Variants in RORA observed in about 807,000 individuals in gnomAD.
The protein encoded by RORA is RAR related orphan receptor A, also known as nuclear receptor ROR-alpha.
RORA carries 7 observed loss-of-function variants against 69.5 expected under a neutral mutation model. That is an observed-to-expected ratio of 0.10 (90% confidence interval 0.06 to 0.19). The LOEUF is 0.19. Ranked by LOEUF, RORA falls within the 10% of genes least tolerant of loss-of-function variation. The pLI, the probability that RORA is intolerant of heterozygous loss-of-function variation, is 1.00. For synonymous variants in RORA, 261 were observed against 240.8 expected (o/e 1.08, Z -0.78); for missense variants, 457 against 663.0 (o/e 0.69, Z 3.41).
chr15:61,202,132 C>G (rs2079900680), intron 1 of RORA, among the ~76,000 whole-genome samples: 1 of 151,900 alleles, frequency 6.6e-6, no homozygotes, highest in African/African-American at 2.4e-5. Context: ...CTTAGCCTCC[C>G]AAGTTGCTGG....
intron 2 of RORA, among the ~76,000 whole-genome samples, chr15:60,544,586 C>CA (rs1239715443): frequency 1.3e-5 from 2 of 152,106 alleles, no homozygotes; most frequent in African/African-American, 4.8e-5. Flanking sequence ...GACAAGGCAA[C>CA]ACCATGCTAA....
At chr15:61,227,104 C>T (rs2080152163) in intron 1 of RORA, among the ~76,000 whole-genome samples, 1 of 151,444 alleles carries the variant, frequency 6.6e-6, no homozygotes, top group East Asian at 1.9e-4. Flanking sequence ...AAGAATGACA[C>T]CTGAAGATGT....
chr15:61,125,411 A>G (rs1345139453), intron 1 of RORA, among the ~76,000 whole-genome samples: 1 of 152,236 alleles, frequency 6.6e-6, no homozygotes, highest in Admixed American at 6.5e-5. Flanking sequence ...TTAGATTACA[A>G]AATATGTCTA....
At chr15:60,718,057 G>A (rs753071747) in intron 1 of RORA, among the ~76,000 whole-genome samples, 36 of 152,080 alleles carry the variant, frequency 2.4e-4, no homozygotes, top group Non-Finnish European at 3.7e-4. Context: ...CCTTGGCCTC[G>A]CACTGGGATT....
At chr15:60,599,211 T>C (rs1448961737) in intron 2 of RORA, among the ~76,000 whole-genome samples, 1 of 152,116 alleles carries the variant, frequency 6.6e-6, no homozygotes, top group African/African-American at 2.4e-5. Flanking sequence ...TCTTGGTGGA[T>C]AGAAGTAAAA....
At chr15:60,820,659 G>T (rs58235349) in intron 1 of RORA, among the ~76,000 whole-genome samples, 67 of 152,216 alleles carry the variant, frequency 4.4e-4, no homozygotes, top group African/African-American at 1.6e-3. Flanking sequence ...GAGGTGGCAG[G>T]TGAATGGGTC....
intron 2 of RORA, among the ~76,000 whole-genome samples, chr15:60,567,602 G>T (rs1335762611): frequency 6.6e-6 from 1 of 151,862 alleles, no homozygotes; most frequent in Non-Finnish European, 1.5e-5. Flanking sequence ...GTGGAGACAG[G>T]GTTTTACCAT....
intron 1 of RORA, among the ~76,000 whole-genome samples, chr15:60,919,870 T>C (rs902575113): frequency 2.0e-5 from 3 of 152,248 alleles, no homozygotes; most frequent in Non-Finnish European, 4.4e-5. Flanking sequence ...AATTTCTGGA[T>C]GCAGGTAGGG....
At chr15:60,550,559 G>A (rs2067202905) in intron 2 of RORA, among the ~76,000 whole-genome samples, 1 of 152,070 alleles carries the variant, frequency 6.6e-6, no homozygotes, top group Admixed American at 6.5e-5. Context: ...TCCTCACTTG[G>A]ACATTAAAGG....
intron 2 of RORA, among the ~76,000 whole-genome samples, chr15:60,575,917 A>G (rs1392258676): frequency 6.6e-6 from 1 of 152,212 alleles, no homozygotes; most frequent in Non-Finnish European, 1.5e-5. Flanking sequence ...TTAACCACGA[A>G]TGGGCATGTA....
chr15:60,500,024 AT>A lies in RORA; in HGVS notation c.1295-21del, dbSNP rs2065281505. 7.0e-7 allele frequency: 1 copy of A among 1,419,722 alleles called. No individual in the cohort carries two copies. The highest frequency in any genetic ancestry group is 1.8e-4 in the Middle Eastern group (1 of 5,654). 87.9% of individuals were successfully genotyped at this position (1,419,722 alleles called of 1,614,324 possible). ...AGCGATCTAAGCATAAAAAAATGAT[AT>A]TCTTTAGCATTCCTCTGACATGGTG... On this transcript the variant is annotated intron_variant, in intron 9 of 10. Coordinates refer to ENST00000335670, the MANE Select transcript of RORA (RefSeq NM_134261.3).
chr15:60,560,584 G>T (rs1158747906), intron 2 of RORA, among the ~76,000 whole-genome samples: 1 of 152,180 alleles, frequency 6.6e-6, no homozygotes, highest in Non-Finnish European at 1.5e-5. Context: ...CTGTAGTCTC[G>T]GCTACTGGTC....
At chr15:60,646,803 C>T (rs1039425038) in intron 2 of RORA, among the ~76,000 whole-genome samples, 8 of 152,224 alleles carry the variant, frequency 5.3e-5, no homozygotes, top group African/African-American at 1.9e-4. Context: ...CCCTGCCCAG[C>T]CTGTCTGGCT....
intron 1 of RORA, among the ~76,000 whole-genome samples, chr15:61,028,113 TG>T (rs1895928192): frequency 6.6e-6 from 1 of 152,212 alleles, no homozygotes; most frequent in African/African-American, 2.4e-5. Flanking sequence ...GACAGTAACC[TG>T]GATTTTGACA....
intron 1 of RORA, among the ~76,000 whole-genome samples, chr15:61,162,726 A>C (rs745809397): frequency 6.6e-6 from 1 of 152,224 alleles, no homozygotes; most frequent in Non-Finnish European, 1.5e-5. Context: ...AAAAGAGCCG[A>C]GACCATAAAT....
intron 1 of RORA, among the ~76,000 whole-genome samples, chr15:60,707,172 T>TGAAGCTTCTCAGAATGGA (rs2071074570): frequency 6.6e-6 from 1 of 152,060 alleles, no homozygotes; most frequent in Non-Finnish European, 1.5e-5. Context: ...GAGCATCTAC[T>TGAAGCTTCTCAGAATGGA]GAAGCTTCTC....
intron 1 of RORA, among the ~76,000 whole-genome samples, chr15:60,724,608 G>A (rs966962408): frequency 3.9e-5 from 6 of 152,138 alleles, no homozygotes; most frequent in African/African-American, 1.4e-4. Flanking sequence ...TAGTCTTAGG[G>A]AACTTCTTGA....
intron 1 of RORA, chr15:61,040,968 CT>C (rs1376538398): frequency 1.3e-5 from 2 of 152,130 alleles, no homozygotes; most frequent in African/African-American, 4.8e-5. Context: ...ATAGATTTTT[CT>C]TTGCCAGGCT....
intron 1 of RORA, among the ~76,000 whole-genome samples, chr15:60,690,807 T>C (rs947883878): frequency 1.3e-5 from 2 of 152,146 alleles, no homozygotes; most frequent in Non-Finnish European, 2.9e-5. Flanking sequence ...CTCTGTGGGC[T>C]CTGAGGCCTG....
Sources: allele counts gnomAD v4.1 joint callset (sites outside exome capture counted in the v4.1 genomes callset), GRCh38; gene constraint gnomAD v4.1.1; transcripts MANE v1.5; gene names NCBI Gene and HGNC (gene_info 2026-07-23, HGNC 2026-07-21).